FNDC3B: variants seen among roughly 807,000 people sequenced by gnomAD.
FNDC3B encodes fibronectin type III domain-containing protein 3B.
A neutral mutation model predicts 151.5 loss-of-function variants in FNDC3B; 12 were observed. That is an observed-to-expected ratio of 0.08 (90% CI 0.05 to 0.13). The LOEUF (loss-of-function observed/expected upper bound fraction) is 0.13, where lower values mean the gene tolerates loss of function less well. FNDC3B is among the 10% of genes least tolerant of loss of function. The pLI is 1.00. For missense variants in FNDC3B, 1,214 were observed against 1,505.3 expected (o/e 0.81, Z 3.20); for synonymous variants, 528 against 549.0 (o/e 0.96, Z 0.54).
intron 3 of FNDC3B, among the ~76,000 whole-genome samples, chr3:172,134,924 G>A (rs1721286906): frequency 6.6e-6 from 1 of 151,254 alleles, no homozygotes; most frequent in African/African-American, 2.4e-5. Flanking sequence ...TCACCTATTT[G>A]TAGTACTATA....
intron 9 of FNDC3B, among the ~76,000 whole-genome samples, chr3:172,303,991 AT>A (rs1731065731): frequency 6.6e-6 from 1 of 152,240 alleles, no homozygotes; most frequent in Non-Finnish European, 1.5e-5. Context: ...TTAGCATAAC[AT>A]TGTTTAAGAT....
intron 1 of FNDC3B, among the ~76,000 whole-genome samples, chr3:172,106,001 G>A (rs1719626529): frequency 6.6e-6 from 1 of 152,204 alleles, no homozygotes; most frequent in East Asian, 1.9e-4. Flanking sequence ...GAAAAGACTA[G>A]CTTTATGGAG....
At chr3:172,259,270 G>A (rs1728522146) in intron 6 of FNDC3B, among the ~76,000 whole-genome samples, 1 of 152,174 alleles carries the variant, frequency 6.6e-6, no homozygotes, top group Admixed American at 6.6e-5. Flanking sequence ...GGACAGTGGG[G>A]ACCCCTGGAT....
chr3:172,151,717 C>T (rs1172697536), intron 3 of FNDC3B, among the ~76,000 whole-genome samples: 1 of 152,154 alleles, frequency 6.6e-6, no homozygotes, highest in African/African-American at 2.4e-5. Context: ...ACTTGAAATA[C>T]CCTAAGTCCT....
chr3:172,234,071 G>A (rs543448936), intron 4 of FNDC3B, among the ~76,000 whole-genome samples: 12 of 152,246 alleles, frequency 7.9e-5, no homozygotes, highest in East Asian at 1.9e-4. Flanking sequence ...GTGCAGTTTC[G>A]TCTTTCTGAG....
chr3:172,353,471 T>G (rs839724), intron 22 of FNDC3B, among the ~76,000 whole-genome samples: 67,721 of 152,088 alleles, frequency 0.45, 16,517 homozygotes, highest in Non-Finnish European at 0.56. Context: ...ACTTTTAAGA[T>G]TTCTAAAAGG....
chr3:172,071,476 C>T (rs1185734789), intron 1 of FNDC3B, among the ~76,000 whole-genome samples: 1 of 151,994 alleles, frequency 6.6e-6, no homozygotes, highest in East Asian at 1.9e-4. Context: ...ATGAATTTAG[C>T]CTGACTTGGA....
At position 172,399,905 on chromosome 3, in the gene FNDC3B, A is replaced by C. The variant is rs747659289; in HGVS notation, c.*2430A>C. The C allele has an allele frequency of 6.6e-6, 1 of 152,604 alleles. No homozygotes were observed. The highest frequency in any genetic ancestry group is 1.5e-5 in the Non-Finnish European group (1 of 68,040). 9.5% of individuals were successfully genotyped at this position (152,604 alleles called of 1,614,324 possible). A position where few individuals can be genotyped will look rare whatever the true frequency, so the allele number is the denominator to read the frequency against. On this transcript the variant is annotated 3_prime_UTR_variant, in exon 26 of 26. Transcript: ENST00000415807. ...AATATTTGATCTTCTTGAGATTTTC[A>C]TACTATCATTTAACCACCAGGAAGC...
intron 3 of FNDC3B, among the ~76,000 whole-genome samples, chr3:172,204,484 A>G (rs781228065): frequency 1.3e-5 from 2 of 151,856 alleles, no homozygotes; most frequent in Non-Finnish European, 2.9e-5. Context: ...GTATACATAC[A>G]TGCACAGACA....
At chr3:172,153,246 G>C (rs1312541212) in intron 3 of FNDC3B, among the ~76,000 whole-genome samples, 2 of 152,168 alleles carry the variant, frequency 1.3e-5, no homozygotes, top group Non-Finnish European at 2.9e-5. Flanking sequence ...AATAACTCTA[G>C]AGCTGGGAAT....
intron 13 of FNDC3B, among the ~76,000 whole-genome samples, chr3:172,332,395 T>A (rs1732728025): frequency 6.6e-6 from 1 of 152,224 alleles, no homozygotes; most frequent in African/African-American, 2.4e-5. Flanking sequence ...CTAGCTTTAG[T>A]TTTTGTCATA....
chr3:172,216,223 A>G (rs757688848), intron 3 of FNDC3B, among the ~76,000 whole-genome samples: 6 of 152,140 alleles, frequency 3.9e-5, no homozygotes, highest in Non-Finnish European at 5.9e-5. Flanking sequence ...TCTCAGTATT[A>G]TTGAGTTGCA....
intron 3 of FNDC3B, among the ~76,000 whole-genome samples, chr3:172,141,371 T>G (rs1721624148): frequency 6.6e-6 from 1 of 152,238 alleles, no homozygotes; most frequent in Non-Finnish European, 1.5e-5. Context: ...CAGTGTTCCA[T>G]GAATTTAAAG....
At chr3:172,279,646 T>C (rs1729602356) in intron 6 of FNDC3B, among the ~76,000 whole-genome samples, 1 of 152,196 alleles carries the variant, frequency 6.6e-6, no homozygotes, top group African/African-American at 2.4e-5. Flanking sequence ...GGAATAGTTG[T>C]TTTTGGAGAT....
At chr3:172,383,529 G>T (rs1009025278) in intron 25 of FNDC3B, among the ~76,000 whole-genome samples, 3 of 152,218 alleles carry the variant, frequency 2.0e-5, no homozygotes, top group Non-Finnish European at 4.4e-5. Context: ...GAAGCTCTAA[G>T]TCATGCATGT....
At chr3:172,117,537 A>G (rs559755482) in intron 2 of FNDC3B, among the ~76,000 whole-genome samples, 7 of 152,368 alleles carry the variant, frequency 4.6e-5, no homozygotes, top group African/African-American at 1.4e-4. Context: ...AGCAGCTACC[A>G]GTTAAACCAT....
intron 1 of FNDC3B, among the ~76,000 whole-genome samples, chr3:172,084,678 A>T (rs1718463101): frequency 6.6e-6 from 1 of 152,256 alleles, no homozygotes; most frequent in Non-Finnish European, 1.5e-5. Flanking sequence ...CGAAACTGAG[A>T]CATTCAAGGT....
intron 3 of FNDC3B, among the ~76,000 whole-genome samples, chr3:172,215,942 T>TCAACAAGTTTGTCTTTTAAC (rs752797467): frequency 0.025 from 3,751 of 152,238 alleles, 70 homozygotes; most frequent in Middle Eastern, 0.058. Flanking sequence ...AGGATACCAC[T>TCAACAAGTTTGTCTTTTAAC]AGGAGTCATG....
At chr3:172,192,839 T>C (rs1724601738) in intron 3 of FNDC3B, among the ~76,000 whole-genome samples, 1 of 152,084 alleles carries the variant, frequency 6.6e-6, no homozygotes, top group African/African-American at 2.4e-5. Flanking sequence ...GCAGAACCTC[T>C]GAGTTGACTG....
Sources: allele counts gnomAD v4.1 joint callset (sites outside exome capture counted in the v4.1 genomes callset), GRCh38; gene constraint gnomAD v4.1.1; transcripts MANE v1.5; gene names NCBI Gene and HGNC (gene_info 2026-07-23, HGNC 2026-07-21).